Variants in TMEM65 observed in about 807,000 individuals in gnomAD.
The protein encoded by TMEM65 is transmembrane protein 65.
Under a neutral mutation model 25.4 loss-of-function variants are expected in TMEM65, and 22 were observed. That is an observed-to-expected ratio of 0.86 (90% CI 0.62 to 1.23). The LOEUF (loss-of-function observed/expected upper bound fraction) is 1.23, where lower values mean the gene tolerates loss of function less well. TMEM65 is among the 50% of genes most tolerant of loss of function. The pLI, the probability that TMEM65 is intolerant of heterozygous loss-of-function variation, is 0.00. For missense variants in TMEM65, 262 were observed against 308.2 expected (o/e 0.85, Z 1.12); for synonymous variants, 132 against 126.2 (o/e 1.05, Z -0.31).
intron 1 of TMEM65, among the ~76,000 whole-genome samples, chr8:124,331,116 A>G (rs1208516277): frequency 6.6e-6 from 1 of 151,832 alleles, no homozygotes; most frequent in African/African-American, 2.4e-5. Context: ...CATTAATTAC[A>G]CTAGAAAAAC....
chr8:124,328,341 T>C (rs1216448326), intron 2 of TMEM65, among the ~76,000 whole-genome samples: 1 of 151,552 alleles, frequency 6.6e-6, no homozygotes, highest in Non-Finnish European at 1.5e-5. Context: ...GCAGCAGAGG[T>C]TGCAGTGAGC....
At position 124,323,365 on chromosome 8, in the gene TMEM65, A is replaced by G; in HGVS notation, c.428T>C (p.Ile143Thr). ...CAAAATAATTCCAATAGACATTTCA[A>G]TATGGGTTCCCTGAAATATGATAAA... Reference protein sequence around the residue: ...NAIMIVAGTHIEMSIGIILGI... With the variant: ...NAIMIVAGTHTEMSIGIILGI... Residue 143 changes from isoleucine to threonine, a missense_variant, in exon 4 of 7, where the codon ATT becomes ACT. By Grantham distance (89) the Ile-to-Thr change is moderately conservative (BLOSUM62 -1). Coordinates refer to ENST00000297632, the MANE Select transcript of TMEM65 (RefSeq NM_194291.3). The G allele has an allele frequency of 6.6e-7, 1 of 1,514,260 alleles. No individual in the cohort carries two copies. The allele number at this position is 1,514,260 out of a possible 1,614,324, so 93.8% of individuals were successfully genotyped here. A position where few individuals can be genotyped will look rare whatever the true frequency, so the allele number is the denominator to read the frequency against.
rs1335926513 is a variant in TMEM65 at position 124,307,264 on chromosome 8, T to G, written c.*6696A>C. ...GTTCTCAGTTATTTTTCATCATGTT[T>G]AGTACAACCATAAACCTTGCAATAA... On this transcript the variant is annotated 3_prime_UTR_variant, in exon 7 of 7. Transcript: ENST00000297632. 2.0e-5 allele frequency: 3 copies of G among 152,322 alleles called. No individual in the cohort carries two copies. Among genetic ancestry groups the G allele is most frequent in the African/African-American group, 7.2e-5 (3 of 41,572 alleles). 9.4% of individuals were successfully genotyped at this position (152,322 alleles called of 1,614,324 possible). A position where few individuals can be genotyped will look rare whatever the true frequency, so the allele number is the denominator to read the frequency against.
In TMEM65 at chr8:124,309,923, C is replaced by T. The variant is rs968961978; in HGVS notation, c.*4037G>A. ...AAAAAATTAGGCTCGGTGGCACGTG[C>T]CTGTAATCCCAGCTACTCAGGAGGT... On this transcript the variant is annotated 3_prime_UTR_variant, in exon 7 of 7. Transcript: ENST00000297632. 1 of 142,050 alleles carries T rather than the reference C, an allele frequency of 7.0e-6. No individual in the cohort carries two copies. The highest frequency in any genetic ancestry group is 1.5e-5 in the Non-Finnish European group (1 of 64,748). The allele number at this position is 142,050 out of a possible 1,614,324, so 8.8% of individuals were successfully genotyped here. A position where few individuals can be genotyped will look rare whatever the true frequency, so the allele number is the denominator to read the frequency against.
chr8:124,333,163 C>T (rs1316339389), intron 1 of TMEM65, among the ~76,000 whole-genome samples: 1 of 146,674 alleles, frequency 6.8e-6, no homozygotes, highest in African/African-American at 2.6e-5. Flanking sequence ...ACAAAACATA[C>T]ATCAGAAGTA....
chr8:124,317,353 C>CAAAAACA (rs144265168), intron 6 of TMEM65, among the ~76,000 whole-genome samples: 1,927 of 151,606 alleles, frequency 0.013, 34 homozygotes, highest in African/African-American at 0.042. Context: ...ATACCAAATC[C>CAAAAACA]AAAAACAAAA....
intron 1 of TMEM65, among the ~76,000 whole-genome samples, chr8:124,370,336 G>A (rs985014126): frequency 1.3e-5 from 2 of 152,156 alleles, no homozygotes; most frequent in Non-Finnish European, 2.9e-5. Flanking sequence ...AAGGTAAAAT[G>A]TGTGTTCAAA....
At chr8:124,356,050 T>C (rs920860885) in intron 1 of TMEM65, among the ~76,000 whole-genome samples, 2 of 152,176 alleles carry the variant, frequency 1.3e-5, no homozygotes, top group African/African-American at 4.8e-5. Flanking sequence ...AGCAGTATTG[T>C]AGGAAGAACA....
At chr8:124,355,391 GCTA>G (rs1814765978) in intron 1 of TMEM65, among the ~76,000 whole-genome samples, 1 of 152,116 alleles carries the variant, frequency 6.6e-6, no homozygotes, top group Non-Finnish European at 1.5e-5. Context: ...CATGCCTGAA[GCTA>G]CTATCTACAT....
chr8:124,338,195 T>G (rs567246404), intron 1 of TMEM65, among the ~76,000 whole-genome samples: 1 of 152,196 alleles, frequency 6.6e-6, no homozygotes, highest in South Asian at 2.1e-4. Flanking sequence ...CTTTAAATTT[T>G]TTAAGAAAAT....
chr8:124,336,329 T>C (rs2131208646), intron 1 of TMEM65, among the ~76,000 whole-genome samples: 1 of 152,146 alleles, frequency 6.6e-6, no homozygotes, highest in Admixed American at 6.5e-5. Flanking sequence ...ATCACTAAGA[T>C]ATAAACTTGA....
At chr8:124,369,561 C>T (rs1814985165) in intron 1 of TMEM65, among the ~76,000 whole-genome samples, 1 of 152,118 alleles carries the variant, frequency 6.6e-6, no homozygotes, top group African/African-American at 2.4e-5. Context: ...ACACTTAGTA[C>T]ACACACACAA....
intron 1 of TMEM65, among the ~76,000 whole-genome samples, chr8:124,341,948 G>C (rs191809159): frequency 5.3e-5 from 8 of 151,838 alleles, no homozygotes; most frequent in African/African-American, 1.7e-4. Flanking sequence ...GGGCTTATTT[G>C]ACATATTAAA....
At chr8:124,331,798 G>C (rs187909544) in intron 1 of TMEM65, among the ~76,000 whole-genome samples, 1 of 151,890 alleles carries the variant, frequency 6.6e-6, no homozygotes, top group Non-Finnish European at 1.5e-5. Flanking sequence ...TTACAAACTA[G>C]ATGTACATCT....
chr8:124,330,019 T>C (rs1814412475), intron 2 of TMEM65, among the ~76,000 whole-genome samples: 1 of 151,956 alleles, frequency 6.6e-6, no homozygotes, highest in African/African-American at 2.4e-5. Flanking sequence ...AAAAATTATA[T>C]AAATTTGCTC....
chr8:124,346,548 A>G (rs1814642722), intron 1 of TMEM65, among the ~76,000 whole-genome samples: 1 of 152,226 alleles, frequency 6.6e-6, no homozygotes, highest in Admixed American at 6.5e-5. Context: ...CAAATTATTT[A>G]TAATAAACTT....
At chr8:124,356,767 G>A (rs1814787722) in intron 1 of TMEM65, among the ~76,000 whole-genome samples, 1 of 151,970 alleles carries the variant, frequency 6.6e-6, no homozygotes, top group South Asian at 2.1e-4. Flanking sequence ...GAGTGTAATG[G>A]CGTGATCTCA....
chr8:124,331,388 A>C (rs980080944), intron 1 of TMEM65, among the ~76,000 whole-genome samples: 1 of 146,938 alleles, frequency 6.8e-6, no homozygotes, highest in African/African-American at 2.5e-5. Context: ...GATATATATT[A>C]ATTAATATAT....
At chr8:124,317,110 A>T (rs1416479526) in intron 6 of TMEM65, among the ~76,000 whole-genome samples, 1 of 152,174 alleles carries the variant, frequency 6.6e-6, no homozygotes, top group Non-Finnish European at 1.5e-5. Flanking sequence ...TTAACTCTAT[A>T]TTACCTATGT....
Sources: allele counts gnomAD v4.1 joint callset (sites outside exome capture counted in the v4.1 genomes callset), GRCh38; gene constraint gnomAD v4.1.1; transcripts MANE v1.5; gene names NCBI Gene and HGNC (gene_info 2026-07-23, HGNC 2026-07-21).